The following CTNNA3 variants were observed in gnomAD, a reference collection of about 807,000 sequenced individuals.
CTNNA3 encodes the protein catenin alpha-3.
CTNNA3 carries 76 observed loss-of-function variants against 95.7 expected under a neutral mutation model. The observed-to-expected ratio is 0.79, with a 90% CI of 0.66 to 0.96. The LOEUF (loss-of-function observed/expected upper bound fraction) is 0.96. Among genes scored for constraint, CTNNA3 ranks in the 40% least tolerant of loss-of-function variants. The pLI is 0.00. For synonymous variants in CTNNA3, 431 were observed against 374.4 expected (o/e 1.15, Z -1.74); for missense variants, 1,191 against 1,089.8 (o/e 1.09, Z -1.31).
At chr10:67,452,061 T>TGGAAGGAAGGAAGGAAGGAAGGAA (rs59544939) in intron 5 of CTNNA3, among the ~76,000 whole-genome samples, 6 of 121,006 alleles carry the variant, frequency 5.0e-5, no homozygotes, top group African/African-American at 1.2e-4. Flanking sequence ...GAGGGAGGAA[T>TGGAAGGAAGGAAGGAAGGAAGGAA]GGAAGGAAGG....
chr10:67,647,329 T>A (rs1839746741), intron 2 of CTNNA3, 86 bp downstream of exon 2: 5 of 961,292 alleles, frequency 5.2e-6, no homozygotes, highest in Non-Finnish European at 7.6e-6. Flanking sequence ...AAAAATCAAA[T>A]CTTTTATTCT....
chr10:66,507,231 A>G (rs937179677), intron 11 of CTNNA3, among the ~76,000 whole-genome samples: 1 of 152,078 alleles, frequency 6.6e-6, no homozygotes, highest in Admixed American at 6.6e-5. Flanking sequence ...TTTACTTGAC[A>G]CATAATAAGT....
At chr10:67,297,212 T>TA (rs1284193598) in intron 5 of CTNNA3, among the ~76,000 whole-genome samples, 2 of 152,146 alleles carry the variant, frequency 1.3e-5, no homozygotes, top group Non-Finnish European at 2.9e-5. Flanking sequence ...ATCTCTTTGG[T>TA]AGGCATTAAT....
chr10:66,449,051 T>G (rs1022173271), intron 11 of CTNNA3, among the ~76,000 whole-genome samples: 3 of 151,760 alleles, frequency 2.0e-5, no homozygotes, highest in African/African-American at 4.8e-5. Context: ...TAGAAAGTAA[T>G]GAAGAAATAA....
chr10:67,512,425 G>C (rs1839665721), intron 5 of CTNNA3, among the ~76,000 whole-genome samples: 1 of 152,110 alleles, frequency 6.6e-6, no homozygotes, highest in African/African-American at 2.4e-5. Flanking sequence ...TTTTGAAGAG[G>C]TATCTGCACT....
intron 14 of CTNNA3, among the ~76,000 whole-genome samples, chr10:66,087,969 T>C (rs933604217): frequency 6.6e-6 from 1 of 152,084 alleles, no homozygotes; most frequent in Non-Finnish European, 1.5e-5. Flanking sequence ...CTTCATTAAA[T>C]ATTCAGTAAG....
At chr10:67,401,512 A>C (rs1340515700) in intron 5 of CTNNA3, among the ~76,000 whole-genome samples, 1 of 152,146 alleles carries the variant, frequency 6.6e-6, no homozygotes, top group Non-Finnish European at 1.5e-5. Context: ...CTGATTTCCA[A>C]ACTGGAAAGG....
intron 15 of CTNNA3, among the ~76,000 whole-genome samples, chr10:66,026,127 G>A (rs961978507): frequency 6.6e-6 from 1 of 152,182 alleles, no homozygotes; most frequent in African/African-American, 2.4e-5. Flanking sequence ...AGATGAACTA[G>A]CTCCTTCTGA....
chr10:67,756,480 A>G (rs922116477), intron 1 of CTNNA3, among the ~76,000 whole-genome samples: 10 of 152,240 alleles, frequency 6.6e-5, no homozygotes, highest in African/African-American at 2.4e-4. Context: ...ATAATTTTTT[A>G]AAAGGCAAGT....
chr10:66,916,988 A>C (rs1438998543), intron 7 of CTNNA3, among the ~76,000 whole-genome samples: 7 of 152,236 alleles, frequency 4.6e-5, no homozygotes, highest in Non-Finnish European at 1.0e-4. Context: ...TTCTGGCCAC[A>C]GTATCAAATG....
At chr10:67,303,066 T>C (rs1840392081) in intron 5 of CTNNA3, among the ~76,000 whole-genome samples, 1 of 152,160 alleles carries the variant, frequency 6.6e-6, no homozygotes, top group Non-Finnish European at 1.5e-5. Flanking sequence ...CCATCTGTAT[T>C]GTAATAAACT....
chr10:66,941,876 C>A (rs550249119), intron 7 of CTNNA3, among the ~76,000 whole-genome samples: 5 of 152,228 alleles, frequency 3.3e-5, no homozygotes, highest in Admixed American at 6.5e-5. Flanking sequence ...CCTAAAAAAA[C>A]CACTTTAAGA....
chr10:67,018,855 A>G (rs1852816685), intron 7 of CTNNA3, among the ~76,000 whole-genome samples: 2 of 152,248 alleles, frequency 1.3e-5, no homozygotes, highest in African/African-American at 2.4e-5. Context: ...CATTCAGTGT[A>G]TAAGAGACGC....
intron 17 of CTNNA3, among the ~76,000 whole-genome samples, chr10:65,953,004 C>A (rs987326691): frequency 4.6e-5 from 7 of 152,148 alleles, no homozygotes; most frequent in African/African-American, 1.7e-4. Flanking sequence ...GACCCAAAAG[C>A]ATGACATTTG....
chr10:67,750,427 C>G, intron 1 of CTNNA3: 1 of 1,486,260 alleles, frequency 6.7e-7, no homozygotes. Context: ...GTGCCTATGT[C>G]TATCAGAATG....
chr10:66,805,556 A>C (rs751713213), intron 7 of CTNNA3, among the ~76,000 whole-genome samples: 3 of 150,616 alleles, frequency 2.0e-5, no homozygotes, highest in Non-Finnish European at 4.4e-5. Context: ...TATACAAGTA[A>C]ATAATAATGG....
At chr10:67,489,790 A>T (rs1290493075) in intron 5 of CTNNA3, among the ~76,000 whole-genome samples, 1 of 146,564 alleles carries the variant, frequency 6.8e-6, no homozygotes, top group African/African-American at 2.5e-5. Context: ...ACATGATTTT[A>T]TATATATATA....
At chr10:66,351,608 A>G (rs2092567507) in intron 12 of CTNNA3, among the ~76,000 whole-genome samples, 1 of 152,044 alleles carries the variant, frequency 6.6e-6, no homozygotes, top group African/African-American at 2.4e-5. Context: ...GTATGCTGCA[A>G]GTAGATGGTT....
At chr10:66,960,522 C>A (rs1849051819) in intron 7 of CTNNA3, among the ~76,000 whole-genome samples, 2 of 152,068 alleles carry the variant, frequency 1.3e-5, no homozygotes, top group African/African-American at 4.8e-5. Context: ...GATCTTTTCT[C>A]AGATAATATG....
Sources: gnomAD v4.1 joint callset for allele counts (sites outside exome capture counted in the v4.1 genomes callset) on GRCh38, gnomAD v4.1.1 for gene constraint, MANE v1.5 for transcripts, NCBI Gene and HGNC (gene_info 2026-07-23, HGNC 2026-07-21) for gene names.